Variants in SAMMSON observed in about 807,000 individuals in gnomAD.
SAMMSON encodes long intergenic non-protein coding RNA 1212.
downstream of SAMMSON, among the ~76,000 whole-genome samples, chr3:70,393,411 A>G (rs1368786879): frequency 6.6e-6 from 1 of 152,184 alleles, no homozygotes; most frequent in Non-Finnish European, 1.5e-5. Flanking sequence ...TGGTTATTTT[A>G]CTACTTTTCA....
chr3:70,192,191 T>A (rs1701135838), intron 4 of SAMMSON, among the ~76,000 whole-genome samples: 1 of 152,186 alleles, frequency 6.6e-6, no homozygotes, highest in African/African-American at 2.4e-5. Context: ...CAGCGATATA[T>A]GGAAAGGAAA....
At chr3:70,128,538 C>T (rs183776608) in intron 4 of SAMMSON, among the ~76,000 whole-genome samples, 16 of 152,250 alleles carry the variant, frequency 1.1e-4, no homozygotes, top group African/African-American at 3.1e-4. Context: ...GATTGAAATA[C>T]GGACTCTCAT....
intron 2 of SAMMSON, among the ~76,000 whole-genome samples, chr3:70,402,631 G>C (rs765541145): frequency 3.1e-4 from 47 of 152,276 alleles, no homozygotes; most frequent in Admixed American, 7.8e-4. Flanking sequence ...GGAGGCTGAG[G>C]TGGGCGGACC....
At chr3:70,410,802 T>C (rs775062344) in intron 2 of SAMMSON, among the ~76,000 whole-genome samples, 2 of 152,182 alleles carry the variant, frequency 1.3e-5, no homozygotes, top group Admixed American at 6.5e-5. Context: ...ATGAAATTGA[T>C]TATGGAAGTT....
intron 3 of SAMMSON, chr3:70,069,262 T>G (rs1436674891): frequency 1.3e-5 from 2 of 152,128 alleles, no homozygotes; most frequent in African/African-American, 4.8e-5. Context: ...TCAAATGGCT[T>G]ATTTTAATAT....
intron 4 of SAMMSON, chr3:70,204,811 T>G (rs1162322729): frequency 6.6e-6 from 1 of 151,890 alleles, no homozygotes; most frequent in East Asian, 1.9e-4. Flanking sequence ...CAGATCAGAG[T>G]GATTCTGGAG....
chr3:70,299,925 A>G (rs902912562), intron 7 of SAMMSON, among the ~76,000 whole-genome samples: 4 of 152,130 alleles, frequency 2.6e-5, no homozygotes, highest in Middle Eastern at 3.4e-3. Context: ...ACACTCCCAC[A>G]CACGCCCTTT....
At chr3:70,143,200 A>G (rs1212237958) in intron 4 of SAMMSON, among the ~76,000 whole-genome samples, 2 of 152,162 alleles carry the variant, frequency 1.3e-5, no homozygotes, top group African/African-American at 4.8e-5. Flanking sequence ...AGAAAGTAAC[A>G]TAATTTATCC....
chr3:70,287,945 C>G (rs1702185178), intron 6 of SAMMSON, among the ~76,000 whole-genome samples: 1 of 152,150 alleles, frequency 6.6e-6, no homozygotes, highest in African/African-American at 2.4e-5. Flanking sequence ...TGATTCTTCT[C>G]TCTTTTTTTC....
chr3:70,014,001 A>G (rs1304741985), intron 3 of SAMMSON: 4 of 152,146 alleles, frequency 2.6e-5, no homozygotes, highest in Admixed American at 6.5e-5. Context: ...AGATTATTCA[A>G]CGACCTACAG....
intron 4 of SAMMSON, chr3:70,120,357 A>G (rs1404314447): frequency 2.0e-5 from 3 of 152,084 alleles, no homozygotes; most frequent in Admixed American, 6.6e-5. Flanking sequence ...CTCTGAGAGA[A>G]CCCCAAATTA....
exon 10 of SAMMSON, chr3:70,389,725 G>T (rs1477245059): frequency 3.3e-5 from 5 of 152,168 alleles, no homozygotes; most frequent in Non-Finnish European, 7.3e-5. Context: ...GATTCAAGGA[G>T]GAGGGTGTAA....
intron 1 of SAMMSON, among the ~76,000 whole-genome samples, chr3:70,000,435 A>G (rs2066901521): frequency 1.3e-5 from 2 of 152,234 alleles, no homozygotes; most frequent in Non-Finnish European, 2.9e-5. Context: ...AATGATATAT[A>G]TTGACAATAT....
chr3:70,036,223 C>A (rs1024209487), intron 3 of SAMMSON, among the ~76,000 whole-genome samples: 1 of 152,078 alleles, frequency 6.6e-6, no homozygotes, highest in Non-Finnish European at 1.5e-5. Flanking sequence ...TATTCTAAGG[C>A]AAAGTCTCTT....
intron 9 of SAMMSON, among the ~76,000 whole-genome samples, chr3:70,364,984 A>G (rs537823949): frequency 5.5e-4 from 83 of 150,336 alleles, no homozygotes; most frequent in Non-Finnish European, 9.7e-4. Context: ...TTGTCACATT[A>G]TTTTTTTTTC....
At chr3:70,170,229 C>T (rs980655132) in intron 4 of SAMMSON, among the ~76,000 whole-genome samples, 3 of 151,638 alleles carry the variant, frequency 2.0e-5, no homozygotes, top group African/African-American at 7.3e-5. Context: ...TGAGGATAGA[C>T]ATATTTTGTG....
intron 9 of SAMMSON, among the ~76,000 whole-genome samples, chr3:70,388,732 C>T (rs188624461): frequency 8.5e-5 from 13 of 152,254 alleles, no homozygotes; most frequent in Admixed American, 7.2e-4. Context: ...TGGGGGACAG[C>T]TACCTTGAAT....
rs571371102 is a variant in SAMMSON at position 70,281,653 on chromosome 3, G to A, written n.675-9526G>A. On this transcript the variant is annotated intron_variant and non_coding_transcript_variant, in intron 6 of 9. Coordinates refer to ENST00000642114, the Ensembl canonical transcript of SAMMSON. ...ATATTTTATGTCTCTCGGTATTTAT[G>A]CACGATGGTTCTTCTCCCTGAGGAA... Among the ~76,000 whole-genome samples the A allele has an allele frequency of 2.0e-5, 3 of 152,202 alleles. No homozygotes were observed. In the East Asian group the frequency reaches 5.8e-4, roughly 29 times the overall value.
At chr3:70,260,179 T>C (rs1701852609) in intron 6 of SAMMSON, among the ~76,000 whole-genome samples, 1 of 152,170 alleles carries the variant, frequency 6.6e-6, no homozygotes, top group Admixed American at 6.5e-5. Flanking sequence ...CATCCTGCCC[T>C]CTTCCTAACT....
Sources: allele counts gnomAD v4.1 joint callset (sites outside exome capture counted in the v4.1 genomes callset), GRCh38; gene constraint gnomAD v4.1.1; transcripts MANE v1.5; gene names NCBI Gene and HGNC (gene_info 2026-07-23, HGNC 2026-07-21).